The following MACF1 variants were observed in gnomAD, a reference collection of about 807,000 sequenced individuals.
MACF1 encodes microtubule-actin cross-linking factor 1.
A neutral mutation model predicts 854.8 loss-of-function variants in MACF1; 193 were observed. That is an observed-to-expected ratio of 0.23 (90% CI 0.20 to 0.25). The LOEUF (loss-of-function observed/expected upper bound fraction) is 0.25, where lower values mean the gene tolerates loss of function less well. Among genes scored for constraint, MACF1 ranks in the 10% least tolerant of loss-of-function variants. MACF1 has a pLI of 1.00. For synonymous variants in MACF1, 3,185 were observed against 3,226.7 expected (o/e 0.99, Z 0.44); for missense variants, 7,722 against 8,929.1 (o/e 0.86, Z 5.45).
At chr1:39,147,371 C>T (rs794636) in intron 2 of MACF1, among the ~76,000 whole-genome samples, 14,979 of 143,656 alleles carry the variant, frequency 0.1, 2,047 homozygotes, top group African/African-American at 0.32. Context: ...TCTCTTTTCT[C>T]TTTCCTTTCC....
At chr1:39,374,285 T>G (rs1649522874) in intron 52 of MACF1, among the ~76,000 whole-genome samples, 1 of 152,196 alleles carries the variant, frequency 6.6e-6, no homozygotes, top group African/African-American at 2.4e-5. Flanking sequence ...GAGTTCCCAG[T>G]CACTTGCTCG....
Position 39,442,332 on chromosome 1 carries a change from G to A in MACF1, c.18948+12G>A, listed in dbSNP as rs199501048. On this transcript the variant is annotated intron_variant, in intron 76 of 100. Transcript: ENST00000564288. ...TTGCCCACCGACAGGTAAGGCAGGT[G>A]GTAGATGACATCAGTGAACTACTCT... 6.3e-7 allele frequency: 1 copy of A among 1,597,626 alleles called. No individual in the cohort carries two copies. The highest frequency in any genetic ancestry group is 2.2e-5 in the East Asian group (1 of 44,750).
chr1:39,283,284 G>A lies in MACF1; in HGVS notation c.791G>A (p.Arg264His), dbSNP rs1645586987. Residue 264 changes from arginine to histidine, a missense_variant, in exon 8 of 101, where the codon CGC becomes CAC. Physicochemically the swap from Arg to His is conservative, Grantham distance 29 (BLOSUM62 0). Around this residue, in one of 15 missense-constraint regions of MACF1, gnomAD observed 108 missense variants for 196.4 expected, o/e 0.55. Coordinates refer to ENST00000564288, the MANE Select transcript of MACF1 (RefSeq NM_001394062.1). The surrounding 1 kb of genome is among the most constrained non-coding windows in gnomAD (Gnocchi z 4.5). Reference sequence around the variant, plus strand: ...GTGGCAGAAAGACTGGGGGTCACTCGCCTGCTGGATGCAGAAGGTGAGAGG... The same window carrying A: ...GTGGCAGAAAGACTGGGGGTCACTCACCTGCTGGATGCAGAAGGTGAGAGG... ...FEVAERLGVT[R>H]LLDAEDVDVP... 6.2e-7 allele frequency: 1 copy of A among 1,612,480 alleles called. No homozygotes were observed. The highest frequency in any genetic ancestry group is 8.5e-7 in the Non-Finnish European group (1 of 1,178,492).
chr1:39,317,559 T>A, intron 29 of MACF1, 152 bp downstream of exon 29: 1 of 886,034 alleles, frequency 1.1e-6, no homozygotes, highest in Non-Finnish European at 1.7e-6. Context: ...GACAAGTAAG[T>A]GACAGAAAGG....
chr1:39,437,083 C>T (rs898997011), intron 70 of MACF1, among the ~76,000 whole-genome samples: 2 of 152,304 alleles, frequency 1.3e-5, no homozygotes, highest in Admixed American at 1.3e-4. Flanking sequence ...CTGTTGCATG[C>T]AACTGTCATC....
intron 1 of MACF1, among the ~76,000 whole-genome samples, chr1:39,211,190 ACTC>A (rs998391200): frequency 6.6e-6 from 1 of 150,870 alleles, no homozygotes; most frequent in African/African-American, 2.4e-5. Context: ...CTGAACTTGA[ACTC>A]CTGACCTCAA....
At position 39,309,680 on chromosome 1, in the gene MACF1, C is replaced by A. The variant is rs147633586; in HGVS notation, c.2900C>A (p.Thr967Asn). 1 of 1,611,586 alleles carries A rather than the reference C, an allele frequency of 6.2e-7. No homozygotes were observed. The highest frequency in any genetic ancestry group is 1.3e-5 in the African/African-American group (1 of 74,810). The change falls in exon 24 of 101, where the codon ACC becomes AAC. Residue 967 changes from threonine (T) to asparagine (N), a missense_variant. Around this residue, in one of 15 missense-constraint regions of MACF1, gnomAD observed 1,137 missense variants for 1,263.0 expected, o/e 0.90. Transcript: ENST00000564288. ...CGTAAAGACCTTGACCTTGTACAGA[C>A]CTGGAACCTAGAAAAGGTAATTATG... ...YLRKDLDLVQ[T>N]WNLEKLRSSA... is the part of the protein sequence containing the mutation.
chr1:39,349,471 T>A lies in MACF1; in HGVS notation c.10816-7T>A, dbSNP rs16826093. On this transcript the variant is annotated splice_polypyrimidine_tract_variant and splice_region_variant and intron_variant, in intron 41 of 100. Coordinates refer to ENST00000564288, the MANE Select transcript of MACF1 (RefSeq NM_001394062.1). Reference sequence around the variant, plus strand: ...AATGTCTCTTGACCCCTTTGCATTTTAATTAGACCCTGCAGAAACAACAAA... The same window carrying A: ...AATGTCTCTTGACCCCTTTGCATTTAAATTAGACCCTGCAGAAACAACAAA... 315,268 of 1,606,234 alleles carry A rather than the reference T, an allele frequency of 0.2. 32,847 individuals carry two copies. Among genetic ancestry groups the A allele is most frequent in the Non-Finnish European group, 0.21 (250,759 of 1,176,790 alleles).
intron 69 of MACF1, 94 bp downstream of exon 69, chr1:39,434,726 CTG>C (rs1643934848): frequency 2.0e-6 from 2 of 1,019,462 alleles, no homozygotes; most frequent in Admixed American, 2.6e-5. Flanking sequence ...GGTGCAAGTT[CTG>C]TGTTACGAAG....
Position 39,447,887 on chromosome 1 carries a change from C to T in MACF1, c.19957C>T (p.Arg6653Trp), listed in dbSNP as rs760816721. ...RGRSLDDARK[R>W]AKQFHEAWKK... ...GCGATCACTAGATGATGCCAGGAAG[C>T]GGGCAAAACAAGTAAGTTGGGGAAG... is the stretch of plus-strand genomic sequence containing the variant. Residue 6653 changes from arginine (R) to tryptophan (W), a missense_variant, in exon 82 of 101, where the codon CGG (arginine) becomes TGG (tryptophan). Around this residue, in one of 15 missense-constraint regions of MACF1, gnomAD observed 729 missense variants for 900.5 expected, o/e 0.81. Coordinates refer to ENST00000564288, the MANE Select transcript of MACF1 (RefSeq NM_001394062.1). 3.1e-6 allele frequency: 5 copies of T among 1,613,700 alleles called. No homozygotes were observed. The highest frequency in any genetic ancestry group is 4.2e-6 in the Non-Finnish European group (5 of 1,179,934).
chr1:39,367,885 G>A (rs530337305), intron 49 of MACF1, among the ~76,000 whole-genome samples: 1 of 151,414 alleles, frequency 6.6e-6, no homozygotes, highest in East Asian at 1.9e-4. Context: ...CAGGAGAATC[G>A]CTTGAACCCA....
chr1:39,191,998 A>T (rs1453368474), intron 2 of MACF1, among the ~76,000 whole-genome samples: 1 of 152,044 alleles, frequency 6.6e-6, no homozygotes, highest in Non-Finnish European at 1.5e-5. Context: ...TAAACATACA[A>T]AAATTAGCTG....
Position 39,424,049 on chromosome 1 carries a change from G to T in MACF1, c.16171G>T (p.Asp5391Tyr). ...EQKLLQRLLD[D>Y]RKATVDMLQA... is the part of the protein sequence containing the mutation. ...ATAGTTGCTCCAGCGGCTCCTAGAT[G>T]ATCGAAAGGCCACAGTAGACATGCT... The change falls in exon 61 of 101, where the codon GAT becomes TAT. Residue 5391 changes from aspartate (D) to tyrosine (Y), a missense_variant. Physicochemically the swap from Asp to Tyr is radical, Grantham distance 160 (BLOSUM62 -3). Coordinates refer to ENST00000564288, the MANE Select transcript of MACF1 (RefSeq NM_001394062.1). 6.2e-7 allele frequency: 1 copy of T among 1,611,480 alleles called. No individual in the cohort carries two copies. The highest frequency in any genetic ancestry group is 1.1e-5 in the South Asian group (1 of 90,852).
intron 2 of MACF1, among the ~76,000 whole-genome samples, chr1:39,240,003 T>C (rs1291028231): frequency 1.3e-5 from 2 of 152,206 alleles, no homozygotes; most frequent in African/African-American, 4.8e-5. Context: ...AAGGAATCTT[T>C]GGCCTTCCCG....
In MACF1 at chr1:39,333,941, TG is replaced by T. The variant is rs1646770212; in HGVS notation, c.7354del (p.Glu2452LysfsTer8). 1 of 1,614,086 alleles carries T rather than the reference TG, an allele frequency of 6.2e-7. No homozygotes were observed. ...LEKASKGRDA[E>X]KTVRERLISL... ...AGAAAGCTTCCAAAGGTAGAGATGC[TG>T]AAAAAACAGTTAGGGAGAGATTAAT... On this transcript the variant is annotated frameshift_variant, in exon 37 of 101. Transcript: ENST00000564288. LOFTEE classifies it high-confidence loss of function.
intron 36 of MACF1, among the ~76,000 whole-genome samples, chr1:39,327,652 G>T (rs1646641234): frequency 6.6e-6 from 1 of 152,184 alleles, no homozygotes; most frequent in Non-Finnish European, 1.5e-5. Flanking sequence ...TATTATATGT[G>T]ATCACAGGGC....
intron 15 of MACF1, among the ~76,000 whole-genome samples, chr1:39,290,214 C>A (rs886716357): frequency 4.6e-5 from 7 of 152,112 alleles, no homozygotes; most frequent in African/African-American, 1.7e-4. Flanking sequence ...TGTATGATGA[C>A]AAGGGACAGG....
chr1:39,145,399 T>C (rs570513628), intron 2 of MACF1, among the ~76,000 whole-genome samples: 3 of 152,310 alleles, frequency 2.0e-5, no homozygotes, highest in East Asian at 1.9e-4. Flanking sequence ...CATATACATA[T>C]ATATTTTGTG....
intron 58 of MACF1, chr1:39,414,484 G>T (rs1436317417): frequency 1.2e-6 from 2 of 1,613,874 alleles, no homozygotes; most frequent in African/African-American, 2.7e-5. Context: ...TGAGGTAATT[G>T]TCCATTTTGA....
Sources: gnomAD v4.1 joint callset for allele counts (sites outside exome capture counted in the v4.1 genomes callset) on GRCh38, gnomAD v4.1.1 for gene constraint, gnomAD v4.1.1 regional missense constraint, Gnocchi (gnomAD v3.1) non-coding constraint, MANE v1.5 for transcripts, NCBI Gene and HGNC (gene_info 2026-07-23, HGNC 2026-07-21) for gene names.